FGD2: variants seen among roughly 807,000 people sequenced by gnomAD.
FGD2 encodes the protein FYVE, RhoGEF and PH domain containing 2, also known as FYVE, RhoGEF and PH domain-containing protein 2.
FGD2 carries 52 observed loss-of-function variants against 75.9 expected under a neutral mutation model. That is an observed-to-expected ratio of 0.69 (90% CI 0.55 to 0.86). The LOEUF is 0.86. FGD2 is among the 40% of genes least tolerant of loss of function. FGD2 has a pLI of 0.00. For missense variants in FGD2, 790 were observed against 872.0 expected (o/e 0.91, Z 1.18); for synonymous variants, 347 against 348.6 (o/e 1.00, Z 0.05).
At chr6:37,026,859 T>A (rs78223242) in intron 14 of FGD2, among the ~76,000 whole-genome samples, 2 of 149,308 alleles carry the variant, frequency 1.3e-5, no homozygotes, top group African/African-American at 2.5e-5. Flanking sequence ...AAAAAAAAAA[T>A]CAGCCGGGCA....
intron 8 of FGD2, among the ~76,000 whole-genome samples, chr6:37,015,419 G>C (rs899128370): frequency 3.9e-5 from 6 of 152,210 alleles, no homozygotes; most frequent in African/African-American, 1.4e-4. Context: ...CCTGACACCT[G>C]GAAAGGTGGT....
At chr6:37,007,447 C>A (rs770639310) in intron 1 of FGD2, among the ~76,000 whole-genome samples, 11 of 152,212 alleles carry the variant, frequency 7.2e-5, no homozygotes, top group African/African-American at 2.7e-4. Context: ...GATGGTACCA[C>A]CTCACTCAAC....
chr6:37,021,797 T>C, intron 12 of FGD2, 193 bp downstream of exon 12: 1 of 576,576 alleles, frequency 1.7e-6, no homozygotes, highest in South Asian at 2.2e-5. Context: ...CAAAACTTCC[T>C]TTGAGAGCCT....
At chr6:37,012,651 G>A (rs540419003) in intron 4 of FGD2, among the ~76,000 whole-genome samples, 2 of 150,924 alleles carry the variant, frequency 1.3e-5, no homozygotes, top group South Asian at 2.1e-4. Context: ...AGTCGAGGCT[G>A]CAGTGAGCCA....
At chr6:37,020,330 C>A (rs561428666) in intron 9 of FGD2, among the ~76,000 whole-genome samples, 84 of 152,318 alleles carry the variant, frequency 5.5e-4, no homozygotes, top group African/African-American at 1.9e-3. Flanking sequence ...ATTCCAGGAG[C>A]CATAGGTTCC....
At chr6:37,013,387 A>G (rs1765115138) in intron 4 of FGD2, 4 of 1,335,254 alleles carry the variant, frequency 3.0e-6, no homozygotes, top group Non-Finnish European at 3.9e-6. Context: ...GGCCTTGTGG[A>G]TGAGGCCAAC....
chr6:37,027,619 C>T (rs1163258124), intron 15 of FGD2, 44 bp downstream of exon 15: 1 of 1,609,724 alleles, frequency 6.2e-7, no homozygotes, highest in Non-Finnish European at 8.5e-7. Flanking sequence ...CCTGGCCTTC[C>T]CACAGCGTGT....
At chr6:37,017,291 G>A (rs1765345635) in intron 9 of FGD2, among the ~76,000 whole-genome samples, 1 of 152,200 alleles carries the variant, frequency 6.6e-6, no homozygotes, top group South Asian at 2.1e-4. Flanking sequence ...TGAGGCTGCA[G>A]TGAATAGCCT....
At chr6:37,026,952 G>A (rs1561943951) in intron 14 of FGD2, among the ~76,000 whole-genome samples, 1 of 151,798 alleles carries the variant, frequency 6.6e-6, no homozygotes, top group Admixed American at 6.6e-5. Flanking sequence ...AGGTTGCAAT[G>A]TGTTGAGATT....
chr6:37,019,531 G>T (rs1765460930), intron 9 of FGD2, among the ~76,000 whole-genome samples: 1 of 152,182 alleles, frequency 6.6e-6, no homozygotes, highest in Admixed American at 6.5e-5. Flanking sequence ...GGAATTTAAT[G>T]GCAACAAAGT....
Position 37,025,813 on chromosome 6 carries a change from G to A in FGD2, c.1480G>A (p.Asp494Asn), listed in dbSNP as rs75108162. The change falls in exon 14 of 16, where the codon GAC (aspartate) becomes AAC (asparagine). Residue 494 changes from aspartate (D) to asparagine (N), a missense_variant. Physicochemically the swap from Asp to Asn is conservative, Grantham distance 23. Transcript: ENST00000274963. ...TCAGGTGGTGTGTGCCAGGTGCTCC[G>A]ACTACCGGGCCGAACTGAAATACGA... ...CGYVVCARCS[D>N]YRAELKYDDN... 26 of 1,614,086 alleles carry A rather than the reference G, an allele frequency of 1.6e-5. No individual in the cohort carries two copies. The highest frequency in any genetic ancestry group is 1.6e-4 in the Middle Eastern group (1 of 6,062).
chr6:37,021,502 TG>T lies in FGD2; in HGVS notation c.1234-9del. ...CTCAAGCCCCGACCCTCCCCCTCCC[TG>T]CACCCCAGGCCTTCCAAGCAGCCAT... On this transcript the variant is annotated splice_polypyrimidine_tract_variant and intron_variant, in intron 11 of 15. Coordinates refer to ENST00000274963, the MANE Select transcript of FGD2 (RefSeq NM_173558.4). 1 of 1,591,476 alleles carries T rather than the reference TG, an allele frequency of 6.3e-7. No individual in the cohort carries two copies. Among genetic ancestry groups the T allele is most frequent in the South Asian group, 1.1e-5 (1 of 90,154 alleles).
At chr6:37,020,788 TTTTC>T (rs1167029230) in intron 11 of FGD2, 49 bp downstream of exon 11, 52 of 1,548,554 alleles carry the variant, frequency 3.4e-5, no homozygotes, top group Non-Finnish European at 4.3e-5. Context: ...TTTCTTTCTT[TTTTC>T]TTTTTTTCTT....
rs199630936 is a variant in FGD2 at position 37,014,887 on chromosome 6, C to T, written c.883-5C>T. 1.2e-6 allele frequency: 2 copies of T among 1,613,316 alleles called. No homozygotes were observed. The highest frequency in any genetic ancestry group is 1.1e-5 in the South Asian group (1 of 91,016). On this transcript the variant is annotated splice_polypyrimidine_tract_variant and splice_region_variant and intron_variant, in intron 7 of 15. Transcript: ENST00000274963. ...CTTGGCTGAGGATGCACCCCAACCC[C>T]CTAGGAGCGGCTGCAGGACCTGTGG...
chr6:37,011,054 A>G lies in FGD2; in HGVS notation c.378+4A>G, dbSNP rs1469929540. On this transcript the variant is annotated splice_donor_region_variant and intron_variant, in intron 3 of 15. Coordinates refer to ENST00000274963, the MANE Select transcript of FGD2 (RefSeq NM_173558.4). ...GCGCCTCCACCTGCTAGACCAGGCCAGTGACCAGGACACCCCCCTCTAGAG... is the reference window on the plus strand; with the variant it reads ...GCGCCTCCACCTGCTAGACCAGGCCGGTGACCAGGACACCCCCCTCTAGAG... 1.9e-6 allele frequency: 3 copies of G among 1,614,120 alleles called. No individual in the cohort carries two copies.
intron 5 of FGD2, 72 bp downstream of exon 5, chr6:37,013,837 T>C: frequency 6.3e-7 from 1 of 1,594,554 alleles, no homozygotes; most frequent in African/African-American, 1.3e-5. Context: ...CCTTGAGTGA[T>C]TCCGGGCATC....
intron 11 of FGD2, among the ~76,000 whole-genome samples, 169 bp downstream of exon 11, chr6:37,020,908 G>GTGTGCGTGTGTGTGTGTGTT (rs1765549373): frequency 6.7e-6 from 1 of 149,258 alleles, no homozygotes; most frequent in Non-Finnish European, 1.5e-5. Flanking sequence ...GTGTGTGTGT[G>GTGTGCGTGTGTGTGTGTGTT]TGTGCATGTG....
chr6:37,025,920 G>A lies in FGD2; in HGVS notation c.1587G>A (p.Lys529=), dbSNP rs2150784843. Residue 529 remains lysine (K), a synonymous_variant, in exon 14 of 16, where the codon AAG becomes AAA. Transcript: ENST00000274963. Reference sequence around the variant, plus strand: ...TGCTGCCTGAGGCCAAGGAGGACAAGAGGCGGGGCATCCTGGAGGTGAGGG... The same window carrying A: ...TGCTGCCTGAGGCCAAGGAGGACAAAAGGCGGGGCATCCTGGAGGTGAGGG... ...GNVLPEAKED[K]RRGILEKGSS... is the part of the protein sequence containing the mutation. 1.2e-6 allele frequency: 2 copies of A among 1,614,178 alleles called. No individual in the cohort carries two copies. The highest frequency in any genetic ancestry group is 1.7e-6 in the Non-Finnish European group (2 of 1,180,034).
intron 8 of FGD2, 102 bp downstream of exon 8, chr6:37,015,140 G>T: frequency 6.9e-7 from 1 of 1,438,860 alleles, no homozygotes. Context: ...ACTGCAGGGG[G>T]ACAGGGAAGA....
Sources: allele counts gnomAD v4.1 joint callset (sites outside exome capture counted in the v4.1 genomes callset), GRCh38; gene constraint gnomAD v4.1.1; transcripts MANE v1.5; gene names NCBI Gene and HGNC (gene_info 2026-07-23, HGNC 2026-07-21).